Variants in GNAQ observed in about 807,000 individuals in gnomAD.
The protein encoded by GNAQ is guanine nucleotide-binding protein G(q) subunit alpha.
A neutral mutation model predicts 43.9 loss-of-function variants in GNAQ; 8 were observed. That is an observed-to-expected ratio of 0.18 (90% confidence interval 0.11 to 0.33). The LOEUF (loss-of-function observed/expected upper bound fraction) is 0.33. GNAQ is among the 10% of genes least tolerant of loss of function. The probability of loss-of-function intolerance (pLI) is 1.00; values close to 1 mark genes in which losing one functional copy is unlikely to be tolerated. For synonymous variants in GNAQ, 155 were observed against 170.7 expected (o/e 0.91, Z 0.71); for missense variants, 158 against 450.8 (o/e 0.35, Z 5.88).
At chr9:78,000,382 G>A (rs574827495) in intron 1 of GNAQ, among the ~76,000 whole-genome samples, 3 of 152,108 alleles carry the variant, frequency 2.0e-5, no homozygotes, top group African/African-American at 7.2e-5. Context: ...CATTAAGAAA[G>A]ATTATGTGGC....
chr9:77,814,360 T>G (rs1366967175), intron 3 of GNAQ, among the ~76,000 whole-genome samples: 1 of 151,956 alleles, frequency 6.6e-6, no homozygotes, highest in Non-Finnish European at 1.5e-5. Flanking sequence ...TATGAAGGTA[T>G]GGAAGAAGGA....
In GNAQ at chr9:77,735,822, A is replaced by C. The variant is rs561356756; in HGVS notation, c.736-7155T>G. 9.4e-4 allele frequency among the ~76,000 whole-genome samples: 143 copies of C among 152,134 alleles called. 1 individual carries two copies. The highest frequency in any genetic ancestry group is 3.3e-3 in the African/African-American group (138 of 41,500). On this transcript the variant is annotated intron_variant, in intron 5 of 6. Transcript: ENST00000286548. ...GACAGGCCAGGGCTGTGAGCTAGGG[A>C]CCTCAGTGGAAACATGGCTCTGTTT... is the stretch of plus-strand genomic sequence containing the variant.
intron 5 of GNAQ, among the ~76,000 whole-genome samples, chr9:77,737,143 C>A (rs912824753): frequency 1.3e-5 from 2 of 152,180 alleles, no homozygotes; most frequent in Non-Finnish European, 2.9e-5. Flanking sequence ...ACTGAACTTT[C>A]CTCCTTCCAG....
At chr9:77,838,120 G>C (rs1017742655) in intron 2 of GNAQ, among the ~76,000 whole-genome samples, 2 of 149,372 alleles carry the variant, frequency 1.3e-5, no homozygotes, top group African/African-American at 5.0e-5. Context: ...AAAGTCCTGG[G>C]ATTACAGGCA....
At chr9:77,725,912 C>G (rs1180041776) in intron 6 of GNAQ, among the ~76,000 whole-genome samples, 2 of 152,158 alleles carry the variant, frequency 1.3e-5, no homozygotes, top group Non-Finnish European at 2.9e-5. Flanking sequence ...GCAAGCACAT[C>G]ATGAAAACGT....
At chr9:77,935,191 T>C (rs185830037) in intron 1 of GNAQ, among the ~76,000 whole-genome samples, 184 of 152,230 alleles carry the variant, frequency 1.2e-3, no homozygotes, top group African/African-American at 4.3e-3. Flanking sequence ...AAGAGCATGA[T>C]TAGAACACAC....
intron 3 of GNAQ, among the ~76,000 whole-genome samples, chr9:77,809,352 A>G (rs914104490): frequency 3.3e-5 from 5 of 152,168 alleles, no homozygotes; most frequent in Admixed American, 1.3e-4. Context: ...GCCTTTTCTC[A>G]CTATACGCCA....
At chr9:77,859,453 T>C (rs2117966574) in intron 2 of GNAQ, among the ~76,000 whole-genome samples, 1 of 152,328 alleles carries the variant, frequency 6.6e-6, no homozygotes, top group Middle Eastern at 3.4e-3. Context: ...ACACTATGTA[T>C]AGTAAAAAGC....
intron 1 of GNAQ, among the ~76,000 whole-genome samples, chr9:78,020,230 A>C (rs1823891507): frequency 6.6e-6 from 1 of 152,214 alleles, no homozygotes; most frequent in Non-Finnish European, 1.5e-5. Context: ...TTCCTGAGCA[A>C]GGATGTCTCA....
At chr9:77,953,907 C>G (rs528259503) in intron 1 of GNAQ, among the ~76,000 whole-genome samples, 2 of 152,164 alleles carry the variant, frequency 1.3e-5, no homozygotes, top group Non-Finnish European at 2.9e-5. Flanking sequence ...ATTTATCATC[C>G]CCAACACTGT....
At chr9:77,906,593 A>G (rs961038174) in intron 2 of GNAQ, among the ~76,000 whole-genome samples, 1 of 152,264 alleles carries the variant, frequency 6.6e-6, no homozygotes, top group Admixed American at 6.5e-5. Context: ...ACTATTTTGT[A>G]TATAAGTCCA....
intron 3 of GNAQ, among the ~76,000 whole-genome samples, chr9:77,803,781 A>G (rs1011183418): frequency 1.3e-5 from 2 of 152,228 alleles, no homozygotes; most frequent in African/African-American, 4.8e-5. Context: ...CTGTTCGAAC[A>G]ATCTCTAGCC....
intron 1 of GNAQ, among the ~76,000 whole-genome samples, chr9:77,950,348 G>A (rs76113785): frequency 0.064 from 9,755 of 152,138 alleles, 348 homozygotes; most frequent in African/African-American, 0.083. Flanking sequence ...GTGCCTCCAC[G>A]CTACATGGCT....
chr9:78,024,151 A>G (rs1237560119), intron 1 of GNAQ, among the ~76,000 whole-genome samples: 1 of 152,234 alleles, frequency 6.6e-6, no homozygotes, highest in African/African-American at 2.4e-5. Context: ...AGCTGGATCA[A>G]TTGCTATTGG....
intron 1 of GNAQ, among the ~76,000 whole-genome samples, chr9:78,005,697 G>T (rs765868783): frequency 1.3e-5 from 2 of 152,136 alleles, no homozygotes; most frequent in Non-Finnish European, 2.9e-5. Context: ...GGTCAAGGTT[G>T]CAGTGCCAAT....
chr9:77,893,464 C>G (rs968829247), intron 2 of GNAQ, among the ~76,000 whole-genome samples: 3 of 152,204 alleles, frequency 2.0e-5, no homozygotes, highest in Non-Finnish European at 2.9e-5. Flanking sequence ...TCCCGGAAAA[C>G]TCATAAATAA....
At chr9:77,880,563 T>TG (rs1298017002) in intron 2 of GNAQ, among the ~76,000 whole-genome samples, 1 of 149,460 alleles carries the variant, frequency 6.7e-6, no homozygotes, top group Non-Finnish European at 1.5e-5. Context: ...CTGTTTTTTT[T>TG]TTTTTGTTTT....
intron 1 of GNAQ, among the ~76,000 whole-genome samples, chr9:77,988,469 G>A (rs548972964): frequency 3.3e-5 from 5 of 152,326 alleles, no homozygotes; most frequent in Admixed American, 6.5e-5. Flanking sequence ...AATGGAGCAC[G>A]TAATTGCTGT....
chr9:77,799,041 C>T (rs10119059), intron 3 of GNAQ, among the ~76,000 whole-genome samples: 1,555 of 152,272 alleles, frequency 0.01, 37 homozygotes, highest in African/African-American at 0.036. Flanking sequence ...TTATTCCATT[C>T]ATGTTTCATT....
Sources: allele counts gnomAD v4.1 joint callset (sites outside exome capture counted in the v4.1 genomes callset), GRCh38; gene constraint gnomAD v4.1.1; transcripts MANE v1.5; gene names NCBI Gene and HGNC (gene_info 2026-07-23, HGNC 2026-07-21).